Variants in PTPN9 observed in about 807,000 individuals in gnomAD.
PTPN9 encodes the protein tyrosine-protein phosphatase non-receptor type 9.
PTPN9 carries 26 observed loss-of-function variants against 69.8 expected under a neutral mutation model. That is an observed-to-expected ratio of 0.37 (90% CI 0.27 to 0.52). The LOEUF (loss-of-function observed/expected upper bound fraction) is 0.52, where lower values mean the gene tolerates loss of function less well. PTPN9 is among the 20% of genes least tolerant of loss of function. The probability of loss-of-function intolerance (pLI) is 0.91; values close to 1 mark genes in which losing one functional copy is unlikely to be tolerated. For synonymous variants in PTPN9, 274 were observed against 272.5 expected (o/e 1.01, Z -0.05); for missense variants, 549 against 740.3 (o/e 0.74, Z 3.00).
chr15:75,516,360 G>A (rs776131294), intron 5 of PTPN9, among the ~76,000 whole-genome samples: 21 of 147,846 alleles, frequency 1.4e-4, no homozygotes, highest in Non-Finnish European at 2.7e-4. Flanking sequence ...CTGGAGTGCA[G>A]TGGCACGATC....
intron 1 of PTPN9, among the ~76,000 whole-genome samples, chr15:75,529,879 C>T (rs565888774): frequency 6.6e-6 from 1 of 151,806 alleles, no homozygotes; most frequent in African/African-American, 2.4e-5. Flanking sequence ...CATTGCACTC[C>T]AGCCTGGGTG....
chr15:75,505,628 A>G (rs1173528146), intron 7 of PTPN9, 47 bp downstream of exon 7: 1 of 1,489,726 alleles, frequency 6.7e-7, no homozygotes, highest in Admixed American at 1.7e-5. Context: ...AGAGCCTACC[A>G]GAAGCATCCT....
chr15:75,513,083 G>A, intron 5 of PTPN9: 1 of 372,966 alleles, frequency 2.7e-6, no homozygotes, highest in Non-Finnish European at 5.2e-6. Context: ...ATTCGCTGCT[G>A]ACCAAGCTGC....
intron 1 of PTPN9, among the ~76,000 whole-genome samples, chr15:75,539,852 G>T (rs1595965221): frequency 1.3e-5 from 2 of 151,724 alleles, no homozygotes; most frequent in East Asian, 3.9e-4. Flanking sequence ...TGTATTTTTA[G>T]TGGAGACGGG....
chr15:75,576,174 G>A (rs1160638886), intron 1 of PTPN9, among the ~76,000 whole-genome samples: 1 of 151,906 alleles, frequency 6.6e-6, no homozygotes, highest in East Asian at 1.9e-4. Flanking sequence ...AGAGTTTGCA[G>A]TGAGCCGAGA....
At chr15:75,520,703 A>G (rs1256401996) in intron 4 of PTPN9, among the ~76,000 whole-genome samples, 1 of 151,842 alleles carries the variant, frequency 6.6e-6, no homozygotes, top group East Asian at 1.9e-4. Flanking sequence ...TTTACTAGAG[A>G]CGGGGTTTCA....
At chr15:75,499,792 C>T (rs929035595) in intron 7 of PTPN9, among the ~76,000 whole-genome samples, 6 of 151,982 alleles carry the variant, frequency 3.9e-5, no homozygotes, top group Non-Finnish European at 8.8e-5. Context: ...GCAAAAGCAC[C>T]GAGAGCAAGG....
At chr15:75,524,525 C>G (rs752508047) in intron 2 of PTPN9, among the ~76,000 whole-genome samples, 12 of 152,100 alleles carry the variant, frequency 7.9e-5, no homozygotes, top group Non-Finnish European at 1.8e-4. Context: ...CGCCTGTAAT[C>G]CCACCACTTT....
chr15:75,559,965 C>T (rs1158470250), intron 1 of PTPN9, among the ~76,000 whole-genome samples: 1 of 151,844 alleles, frequency 6.6e-6, no homozygotes, highest in Non-Finnish European at 1.5e-5. Context: ...CATGGTGAAA[C>T]CCCATCTCTA....
chr15:75,513,212 C>T, intron 5 of PTPN9: 1 of 451,396 alleles, frequency 2.2e-6, no homozygotes, highest in South Asian at 1.6e-5. Context: ...TTTTATTTAT[C>T]ATTTTGTGGA....
intron 3 of PTPN9, 82 bp from the exon 4 acceptor site, chr15:75,523,327 G>T: frequency 2.1e-6 from 3 of 1,433,522 alleles, no homozygotes; most frequent in Non-Finnish European, 2.8e-6. Flanking sequence ...CTGGATAAGG[G>T]TTTGATACAT....
intron 1 of PTPN9, among the ~76,000 whole-genome samples, chr15:75,573,234 G>A (rs2075156996): frequency 6.6e-6 from 1 of 152,220 alleles, no homozygotes; most frequent in African/African-American, 2.4e-5. Flanking sequence ...TTTGCAAAGT[G>A]AGGGTAGTAA....
At chr15:75,504,883 A>AG (rs1366784822) in intron 7 of PTPN9, among the ~76,000 whole-genome samples, 3 of 151,260 alleles carry the variant, frequency 2.0e-5, no homozygotes, top group Admixed American at 2.0e-4. Flanking sequence ...CCGGGAGGTG[A>AG]GGGGCACCTC....
chr15:75,483,566 C>T (rs757659915), intron 8 of PTPN9, among the ~76,000 whole-genome samples: 5 of 152,156 alleles, frequency 3.3e-5, no homozygotes, highest in African/African-American at 4.8e-5. Flanking sequence ...TAGGTAGCGA[C>T]TGCCAAGGGT....
chr15:75,487,360 TAAAA>T (rs533796126), intron 8 of PTPN9: 1 of 142,502 alleles, frequency 7.0e-6, no homozygotes, highest in East Asian at 2.0e-4. Flanking sequence ...CAAAATAAAA[TAAAA>T]AAAAAGCCTA....
chr15:75,500,447 A>T (rs891643284), intron 7 of PTPN9, among the ~76,000 whole-genome samples: 1 of 152,128 alleles, frequency 6.6e-6, no homozygotes, highest in East Asian at 1.9e-4. Context: ...ACTAAGGCAC[A>T]GAATGGCTTG....
In PTPN9 at chr15:75,578,771, C is replaced by T. The variant is rs2075185684; in HGVS notation, c.6G>A (p.Glu2=). M[E]PATAPRPDMA... ...TGTCGGGCCGGGGCGCGGTCGCGGGCTCCATCCCCCCGCCACCGCCGCCGG... is the reference window on the plus strand; with the variant it reads ...TGTCGGGCCGGGGCGCGGTCGCGGGTTCCATCCCCCCGCCACCGCCGCCGG... Residue 2 remains glutamate (E), a synonymous_variant, in exon 1 of 13, where the codon GAG becomes GAA. Coordinates refer to ENST00000618819, the MANE Select transcript of PTPN9 (RefSeq NM_002833.4). The T allele has an allele frequency of 1.6e-6, 2 of 1,259,982 alleles. No homozygotes were observed. The highest frequency in any genetic ancestry group is 2.0e-6 in the Non-Finnish European group (2 of 1,003,994). The allele number at this position is 1,259,982 out of a possible 1,614,324, so 78.1% of individuals were successfully genotyped here. A position where few individuals can be genotyped will look rare whatever the true frequency, so the allele number is the denominator to read the frequency against.
rs1379081648 is a variant in PTPN9 at position 75,579,122 on chromosome 15, G to A, written c.-346C>T. 1 of 159,016 alleles carries A rather than the reference G, an allele frequency of 6.3e-6. No homozygotes were observed. The highest frequency in any genetic ancestry group is 1.4e-5 in the Non-Finnish European group (1 of 72,700). 9.9% of individuals were successfully genotyped at this position (159,016 alleles called of 1,614,324 possible). A position where few individuals can be genotyped will look rare whatever the true frequency, so the allele number is the denominator to read the frequency against. On this transcript the variant is annotated 5_prime_UTR_variant, in exon 1 of 13. Coordinates refer to ENST00000618819, the MANE Select transcript of PTPN9 (RefSeq NM_002833.4). ...AGGAAATCAGGAACTTTTAGAGCCG[G>A]GAGCGAAGGGTCGGCGGAAATTTCC...
At chr15:75,516,869 C>G (rs753253796) in intron 5 of PTPN9, among the ~76,000 whole-genome samples, 1 of 151,628 alleles carries the variant, frequency 6.6e-6, no homozygotes, top group Non-Finnish European at 1.5e-5. Context: ...CTCAGCCTCC[C>G]GAGTACCTGG....
Sources: gnomAD v4.1 joint callset for allele counts (sites outside exome capture counted in the v4.1 genomes callset) on GRCh38, gnomAD v4.1.1 for gene constraint, MANE v1.5 for transcripts, NCBI Gene and HGNC (gene_info 2026-07-23, HGNC 2026-07-21) for gene names.